The following CCDC13 variants were observed in gnomAD, a reference collection of about 807,000 sequenced individuals.
CCDC13 encodes the protein coiled-coil domain containing 13.
CCDC13 carries 70 observed loss-of-function variants against 87.3 expected under a neutral mutation model. That is an observed-to-expected ratio of 0.80 (90% CI 0.66 to 0.98). The LOEUF (loss-of-function observed/expected upper bound fraction) is 0.98. Among genes scored for constraint, CCDC13 ranks in the 50% least tolerant of loss-of-function variants. The pLI is 0.00. For synonymous variants in CCDC13, 317 were observed against 360.3 expected, an observed-to-expected ratio of 0.88 and a Z score of 1.36; for missense variants, 842 against 892.0, an observed-to-expected ratio of 0.94 and a Z score of 0.71.
intron 4 of CCDC13, 31 bp from the exon 5 acceptor site, chr3:42,752,056 T>C (rs1489976767): frequency 3.2e-6 from 5 of 1,581,730 alleles, no homozygotes; most frequent in Admixed American, 1.7e-5. Context: ...CTTAATACTC[T>C]GCTCAGCGAT....
At position 42,739,957 on chromosome 3, in the gene CCDC13, C is replaced by T. The variant is rs1013050992; in HGVS notation, c.988-147G>A. 27 of 715,518 alleles carry T rather than the reference C, an allele frequency of 3.8e-5. No individual in the cohort carries two copies. The African/African-American group carries it at 4.1e-4, about 11-fold the overall frequency. 44.3% of individuals were successfully genotyped at this position (715,518 alleles called of 1,614,324 possible). A position where few individuals can be genotyped will look rare whatever the true frequency, so the allele number is the denominator to read the frequency against. ...ACAGAGCAAGTCACTAGAGCCAGGG[C>T]CCTGACTCCCAGCCCAGGCCTCTCA... On this transcript the variant is annotated intron_variant, in intron 8 of 15. Coordinates refer to ENST00000310232, the MANE Select transcript of CCDC13 (RefSeq NM_144719.4).
At chr3:42,727,449 T>C (rs1297638340) in intron 13 of CCDC13, among the ~76,000 whole-genome samples, 2 of 151,984 alleles carry the variant, frequency 1.3e-5, no homozygotes, top group Non-Finnish European at 2.9e-5. Flanking sequence ...ACTATTTACA[T>C]GGCCTCACTG....
At chr3:42,752,442 T>C (rs780072177) in intron 4 of CCDC13, 133 bp downstream of exon 4, 15 of 1,115,422 alleles carry the variant, frequency 1.3e-5, no homozygotes, top group Non-Finnish European at 1.9e-5. Flanking sequence ...CACCACCATA[T>C]ACTGCGTGAC....
intron 13 of CCDC13, among the ~76,000 whole-genome samples, chr3:42,727,747 C>T (rs1371794127): frequency 6.6e-6 from 1 of 152,124 alleles, no homozygotes; most frequent in African/African-American, 2.4e-5. Flanking sequence ...AACCAACTAA[C>T]TTTAGATTGC....
At chr3:42,758,441 A>T (rs1699757952) in intron 1 of CCDC13, 90 bp from the exon 2 acceptor site, 8 of 1,274,024 alleles carry the variant, frequency 6.3e-6, no homozygotes, top group Non-Finnish European at 8.7e-6. Flanking sequence ...CCAGCCTTGG[A>T]GTTTACTGCT....
intron 10 of CCDC13, among the ~76,000 whole-genome samples, chr3:42,734,272 G>C (rs1698927010): frequency 6.6e-6 from 1 of 152,168 alleles, no homozygotes; most frequent in Admixed American, 6.5e-5. Flanking sequence ...CGAAACGTGT[G>C]CCGACTTAAG....
chr3:42,727,953 A>G (rs1194325512), intron 13 of CCDC13, among the ~76,000 whole-genome samples: 2 of 152,268 alleles, frequency 1.3e-5, no homozygotes, highest in East Asian at 3.8e-4. Context: ...TACCAAAATC[A>G]AAGTGGATTA....
chr3:42,758,433 A>C, intron 1 of CCDC13, 82 bp from the exon 2 acceptor site: 1 of 1,368,698 alleles, frequency 7.3e-7, no homozygotes, highest in Non-Finnish European at 1.0e-6. Flanking sequence ...CTGCAGCCCC[A>C]GCCTTGGAGT....
intron 9 of CCDC13, among the ~76,000 whole-genome samples, chr3:42,737,447 T>C (rs77771719): frequency 0.16 from 24,913 of 152,256 alleles, 2,150 homozygotes; most frequent in South Asian, 0.25. Flanking sequence ...GATTGCTGGA[T>C]CAAATGGTAT....
At chr3:42,771,604 A>T (rs1031107290) in intron 1 of CCDC13, among the ~76,000 whole-genome samples, 14 of 152,122 alleles carry the variant, frequency 9.2e-5, no homozygotes, top group Non-Finnish European at 1.2e-4. Context: ...AAAATAAAAA[A>T]ATTAGCTGGG....
chr3:42,757,303 G>A, intron 2 of CCDC13, 89 bp from the exon 3 acceptor site: 2 of 1,284,368 alleles, frequency 1.6e-6, no homozygotes, highest in Non-Finnish European at 2.2e-6. Context: ...TGGACAGATG[G>A]ACACGCAGAT....
intron 15 of CCDC13, among the ~76,000 whole-genome samples, chr3:42,709,456 T>C (rs1017021358): frequency 1.5e-4 from 23 of 152,228 alleles, no homozygotes; most frequent in African/African-American, 2.7e-4. Context: ...CAGTGATCCA[T>C]GCTTGATAAA....
chr3:42,728,442 G>A (rs1260354356), intron 13 of CCDC13, among the ~76,000 whole-genome samples: 1 of 134,292 alleles, frequency 7.4e-6, no homozygotes, highest in Non-Finnish European at 1.6e-5. Context: ...GATAAAGAAA[G>A]GAGTAGATAT....
intron 15 of CCDC13, 35 bp downstream of exon 15, chr3:42,709,649 C>T: frequency 6.4e-7 from 1 of 1,561,156 alleles, no homozygotes; most frequent in East Asian, 2.2e-5. Context: ...GCTCAGACAA[C>T]CCTACCCTTT....
At chr3:42,748,256 G>A (rs1383338031) in intron 5 of CCDC13, among the ~76,000 whole-genome samples, 1 of 152,228 alleles carries the variant, frequency 6.6e-6, no homozygotes, top group East Asian at 1.9e-4. Flanking sequence ...GGCCCAGAGA[G>A]GGGAGGTAAT....
In CCDC13 at chr3:42,727,551, G is replaced by T. The variant is rs1417193490; in HGVS notation, c.1718+2916C>A. On this transcript the variant is annotated intron_variant, in intron 13 of 15. Coordinates refer to ENST00000310232, the MANE Select transcript of CCDC13 (RefSeq NM_144719.4). ...AGTGAGTGAAGACATTTTCAAACAT[G>T]TTGGCAAAAGGAAACGAATATTCAC... is the stretch of plus-strand genomic sequence containing the variant. 2.0e-5 allele frequency among the ~76,000 whole-genome samples: 3 copies of T among 152,108 alleles called. No homozygotes were observed. In the South Asian group the frequency reaches 6.2e-4, roughly 31 times the overall value.
intron 12 of CCDC13, among the ~76,000 whole-genome samples, chr3:42,732,377 T>C (rs990507311): frequency 6.6e-6 from 1 of 152,022 alleles, no homozygotes; most frequent in Non-Finnish European, 1.5e-5. Context: ...AGCAGGAGCA[T>C]GGCTCCAGTG....
At chr3:42,760,247 T>C (rs946988473) in intron 1 of CCDC13, among the ~76,000 whole-genome samples, 1 of 150,848 alleles carries the variant, frequency 6.6e-6, no homozygotes, top group African/African-American at 2.4e-5. Flanking sequence ...GCTGAGATCA[T>C]GCCATTGCAC....
At chr3:42,770,620 T>A (rs1379957531) in intron 1 of CCDC13, 1 of 152,348 alleles carries the variant, frequency 6.6e-6, no homozygotes. Flanking sequence ...TGAGGTCCCC[T>A]TCCACACTGT....
Sources: gnomAD v4.1 joint callset for allele counts (sites outside exome capture counted in the v4.1 genomes callset) on GRCh38, gnomAD v4.1.1 for gene constraint, MANE v1.5 for transcripts, NCBI Gene and HGNC (gene_info 2026-07-23, HGNC 2026-07-21) for gene names.